The following PTP4A1 variants were observed in gnomAD, a reference collection of about 807,000 sequenced individuals.
PTP4A1 encodes the protein protein tyrosine phosphatase 4A1, also known as protein tyrosine phosphatase type IVA 1.
PTP4A1 carries 9 observed loss-of-function variants against 20.5 expected under a neutral mutation model. The ratio of observed to expected loss-of-function variants is 0.44; its 90% CI spans 0.26 to 0.77. PTP4A1 has a LOEUF of 0.77. Among genes scored for constraint, PTP4A1 ranks in the 30% least tolerant of loss-of-function variants. The pLI is 0.19. For missense variants in PTP4A1, 137 were observed against 218.8 expected (o/e 0.63, Z 2.36); for synonymous variants, 78 against 67.4 (o/e 1.16, Z -0.77).
intron 1 of PTP4A1, among the ~76,000 whole-genome samples, chr6:63,525,140 A>T (rs1037449761): frequency 6.6e-6 from 1 of 152,192 alleles, no homozygotes; most frequent in African/African-American, 2.4e-5. Context: ...TCTAAGCCCC[A>T]CTCTACAACT....
At chr6:63,547,109 A>G (rs889033231) in intron 2 of PTP4A1, among the ~76,000 whole-genome samples, 4 of 151,920 alleles carry the variant, frequency 2.6e-5, no homozygotes, top group Admixed American at 1.3e-4. Flanking sequence ...GCTCTGCCCT[A>G]CTCAGATATA....
At chr6:63,523,512 AAAATAAATAAAT>A (rs79905080) in intron 1 of PTP4A1, among the ~76,000 whole-genome samples, 1 of 152,036 alleles carries the variant, frequency 6.6e-6, no homozygotes, top group Admixed American at 6.6e-5. Context: ...CTCCATCTCA[AAAATAAATAAAT>A]AAATAAATAA....
At chr6:63,537,604 C>T (rs1359132627) in intron 2 of PTP4A1, among the ~76,000 whole-genome samples, 2 of 152,190 alleles carry the variant, frequency 1.3e-5, no homozygotes, top group African/African-American at 4.8e-5. Context: ...TTGAATTCTG[C>T]ATTTGTTTGT....
chr6:63,532,536 T>C (rs967563870), intron 2 of PTP4A1, among the ~76,000 whole-genome samples: 2 of 151,880 alleles, frequency 1.3e-5, no homozygotes, highest in Non-Finnish European at 2.9e-5. Flanking sequence ...TGGAGGTAGG[T>C]GCAAACCAGG....
At chr6:63,551,253 A>G (rs929515530) in intron 3 of PTP4A1, among the ~76,000 whole-genome samples, 1 of 151,604 alleles carries the variant, frequency 6.6e-6, no homozygotes, top group Non-Finnish European at 1.5e-5. Flanking sequence ...TTTAGTAGAG[A>G]CGGAGTTTCA....
chr6:63,555,684 ATTACACTCTTTT>A (rs529280403), intron 3 of PTP4A1, among the ~76,000 whole-genome samples: 164 of 149,940 alleles, frequency 1.1e-3, no homozygotes, highest in Non-Finnish European at 2.0e-3. Context: ...TCACTTCTCA[ATTACACTCTTTT>A]TTTTTTTTTT....
chr6:63,523,427 G>A (rs939720603), intron 1 of PTP4A1, among the ~76,000 whole-genome samples: 5 of 152,094 alleles, frequency 3.3e-5, no homozygotes, highest in African/African-American at 4.8e-5. Context: ...CCAGCTACTC[G>A]GGAGGTTTGA....
At chr6:63,522,128 C>T (rs1774949878) in intron 1 of PTP4A1, among the ~76,000 whole-genome samples, 1 of 152,170 alleles carries the variant, frequency 6.6e-6, no homozygotes, top group African/African-American at 2.4e-5. Context: ...CCTTGTCTTC[C>T]AGATTAGGCT....
intron 3 of PTP4A1, among the ~76,000 whole-genome samples, chr6:63,561,223 T>C (rs1204465518): frequency 6.6e-6 from 1 of 152,170 alleles, no homozygotes. Context: ...CTGCATCACA[T>C]AATACTTGTA....
chr6:63,529,820 G>A (rs557247118), intron 2 of PTP4A1, among the ~76,000 whole-genome samples: 7 of 152,220 alleles, frequency 4.6e-5, no homozygotes, highest in South Asian at 2.1e-4. Context: ...AAATACGTGC[G>A]TAAGAGGAAT....
chr6:63,523,740 TA>T (rs1248346904), intron 1 of PTP4A1, among the ~76,000 whole-genome samples: 1 of 152,168 alleles, frequency 6.6e-6, no homozygotes, highest in African/African-American at 2.4e-5. Flanking sequence ...GCGATTTTTT[TA>T]AGCTCATCAG....
chr6:63,520,151 TTTCTC>T (rs1401609344), upstream of PTP4A1, among the ~76,000 whole-genome samples: 3 of 152,212 alleles, frequency 2.0e-5, no homozygotes, highest in African/African-American at 4.8e-5. Context: ...CATTGATACT[TTTCTC>T]TCCTCTGTAT....
upstream of PTP4A1, among the ~76,000 whole-genome samples, chr6:63,520,753 T>C (rs1403111296): frequency 6.6e-6 from 1 of 152,302 alleles, no homozygotes; most frequent in South Asian, 2.1e-4. Flanking sequence ...TATTATTTCC[T>C]TGTCAATATG....
At chr6:63,549,490 C>T in intron 2 of PTP4A1, 9 of 778,792 alleles carry the variant, frequency 1.2e-5, no homozygotes, top group Non-Finnish European at 1.8e-5. Flanking sequence ...TTTCCCTTGG[C>T]CTTCTTTCCT....
intron 2 of PTP4A1, among the ~76,000 whole-genome samples, chr6:63,540,346 C>G (rs1373066945): frequency 6.6e-6 from 1 of 152,072 alleles, no homozygotes; most frequent in Admixed American, 6.5e-5. Context: ...AAAATCCAGG[C>G]ACAATGGGTC....
rs571325404 is a variant in PTP4A1 at position 63,574,721 on chromosome 6, A to G, written c.-445-1715A>G. Among the ~76,000 whole-genome samples, 13 of 152,338 alleles carry G rather than the reference A, an allele frequency of 8.5e-5. No individual in the cohort carries two copies. The South Asian group carries it at 2.7e-3, about 32-fold the overall frequency. Reference sequence around the variant, plus strand: ...AATACCTAGAAATTAGAATACTGTGATGAGTCATTATAAAGCTTTTAAAGA... The same window carrying G: ...AATACCTAGAAATTAGAATACTGTGGTGAGTCATTATAAAGCTTTTAAAGA... On this transcript the variant is annotated intron_variant, in intron 1 of 5. Coordinates refer to ENST00000626021, the MANE Select transcript of PTP4A1 (RefSeq NM_003463.5).
At chr6:63,542,076 G>T (rs1776006068) in intron 2 of PTP4A1, among the ~76,000 whole-genome samples, 1 of 146,968 alleles carries the variant, frequency 6.8e-6, no homozygotes, top group South Asian at 2.1e-4. Flanking sequence ...CATACACAAT[G>T]GAATACTACT....
rs1778139762 is a variant in PTP4A1 at position 63,580,224 on chromosome 6, T to TG, written c.*50_*51insG. The stretch of plus-strand genomic sequence containing the variant: ...AAGTGGAACTTGAGATAGGGCCTAA[T>TG]TTGTTATACATATTAGCCAACATGT... On this transcript the variant is annotated 3_prime_UTR_variant, in exon 6 of 6. Transcript: ENST00000626021. 2 of 1,378,568 alleles carry TG rather than the reference T, an allele frequency of 1.5e-6. No homozygotes were observed. Among genetic ancestry groups the TG allele is most frequent in the East Asian group, 4.6e-5 (2 of 43,718 alleles). 85.4% of individuals were successfully genotyped at this position (1,378,568 alleles called of 1,614,324 possible).
chr6:63,532,975 G>A (rs1775537174), intron 2 of PTP4A1, among the ~76,000 whole-genome samples: 1 of 152,170 alleles, frequency 6.6e-6, no homozygotes. Context: ...TGGGAAGGAG[G>A]GGTTAGTCAC....
Sources: gnomAD v4.1 joint callset for allele counts (sites outside exome capture counted in the v4.1 genomes callset) on GRCh38, gnomAD v4.1.1 for gene constraint, MANE v1.5 for transcripts, NCBI Gene and HGNC (gene_info 2026-07-23, HGNC 2026-07-21) for gene names.